CHRM3: variants seen among roughly 807,000 people sequenced by gnomAD.
The protein encoded by CHRM3 is muscarinic acetylcholine receptor M3.
In CHRM3, 11 loss-of-function variants were observed where a neutral mutation model predicts 41.8. The ratio of observed to expected loss-of-function variants is 0.26; its 90% CI spans 0.17 to 0.44. CHRM3 has a LOEUF of 0.44. CHRM3 is among the 20% of genes least tolerant of loss of function. CHRM3 has a pLI of 1.00. For missense variants in CHRM3, 571 were observed against 745.4 expected, an observed-to-expected ratio of 0.77 and a Z score of 2.72; for synonymous variants, 297 against 301.4, an observed-to-expected ratio of 0.99 and a Z score of 0.15.
At chr1:239,879,337 G>T (rs1415463112) in intron 6 of CHRM3, among the ~76,000 whole-genome samples, 1 of 152,144 alleles carries the variant, frequency 6.6e-6, no homozygotes, top group African/African-American at 2.4e-5. Flanking sequence ...TGCTGCTGCT[G>T]GCCCACCCTG....
chr1:239,897,027 C>T (rs1383243210), intron 6 of CHRM3, among the ~76,000 whole-genome samples: 1 of 152,194 alleles, frequency 6.6e-6, no homozygotes, highest in Non-Finnish European at 1.5e-5. Context: ...CTATTTCATC[C>T]TCAAGTATTA....
intron 5 of CHRM3, among the ~76,000 whole-genome samples, chr1:239,803,710 C>G (rs893578944): frequency 6.6e-6 from 1 of 152,112 alleles, no homozygotes; most frequent in African/African-American, 2.4e-5. Flanking sequence ...CTACTAAAAT[C>G]AAGTGTGGAA....
chr1:239,494,460 A>G (rs1667753605), intron 2 of CHRM3, among the ~76,000 whole-genome samples: 1 of 152,224 alleles, frequency 6.6e-6, no homozygotes, highest in Non-Finnish European at 1.5e-5. Context: ...AGATACGTAC[A>G]TAAAAAAACA....
At chr1:239,413,453 C>T (rs1661266893) in intron 1 of CHRM3, among the ~76,000 whole-genome samples, 1 of 152,084 alleles carries the variant, frequency 6.6e-6, no homozygotes, top group South Asian at 2.1e-4. Context: ...TTCCACCCGG[C>T]TAATTTTGTA....
chr1:239,520,058 C>G (rs893016213), intron 2 of CHRM3, among the ~76,000 whole-genome samples: 15 of 152,150 alleles, frequency 9.9e-5, no homozygotes, highest in African/African-American at 3.4e-4. Context: ...TCCTAAGGCT[C>G]GAAATGTATT....
intron 5 of CHRM3, among the ~76,000 whole-genome samples, chr1:239,700,714 G>A (rs1349616670): frequency 6.6e-6 from 1 of 152,140 alleles, no homozygotes. Flanking sequence ...TGTTTGGGAG[G>A]AAAATTAAGA....
At chr1:239,532,157 C>CA (rs1657658994) in intron 2 of CHRM3, among the ~76,000 whole-genome samples, 1 of 145,768 alleles carries the variant, frequency 6.9e-6, no homozygotes, top group Non-Finnish European at 1.5e-5. Context: ...GGACTACAGG[C>CA]GCTGCCACCA....
At chr1:239,510,825 C>T (rs911336432) in intron 2 of CHRM3, among the ~76,000 whole-genome samples, 7 of 152,090 alleles carry the variant, frequency 4.6e-5, no homozygotes, top group African/African-American at 1.2e-4. Context: ...CATCAACCAC[C>T]GCGGCCGGCC....
intron 1 of CHRM3, among the ~76,000 whole-genome samples, chr1:239,485,059 A>G (rs1667099375): frequency 6.6e-6 from 1 of 152,182 alleles, no homozygotes; most frequent in African/African-American, 2.4e-5. Flanking sequence ...TTTTTGCTGA[A>G]CATTTCTCTT....
At chr1:239,699,676 T>A (rs1037802853) in intron 5 of CHRM3, among the ~76,000 whole-genome samples, 2 of 152,206 alleles carry the variant, frequency 1.3e-5, no homozygotes, top group African/African-American at 4.8e-5. Context: ...TATGTCTTCA[T>A]ACATAAAGTA....
intron 1 of CHRM3, among the ~76,000 whole-genome samples, chr1:239,485,362 A>G (rs1667119118): frequency 6.6e-6 from 1 of 152,188 alleles, no homozygotes. Context: ...CAGTGGTGCA[A>G]TCATGACTCA....
At chr1:239,638,004 C>T (rs185021985) in intron 4 of CHRM3, among the ~76,000 whole-genome samples, 42 of 146,820 alleles carry the variant, frequency 2.9e-4, no homozygotes, top group African/African-American at 9.8e-4. Flanking sequence ...TGAGTGAGAA[C>T]GTGCAGTGTT....
In CHRM3 at chr1:239,589,068, G is replaced by A. The variant is rs1389251809; in HGVS notation, c.-312-43156G>A. Among the ~76,000 whole-genome samples, 72 of 152,062 alleles carry A rather than the reference G, an allele frequency of 4.7e-4. 1 individual carries two copies. Among genetic ancestry groups the A allele is most frequent in the Admixed American group, 4.7e-3 (72 of 15,268 alleles). ...CCTGCCTCAGCCTCCCAAGTAGCTG[G>A]GATTACAGGCACGTGCCGTCATGCC... is the stretch of plus-strand genomic sequence containing the variant. On this transcript the variant is annotated intron_variant, in intron 3 of 6. Coordinates refer to ENST00000676153, the MANE Select transcript of CHRM3 (RefSeq NM_001375978.1).
intron 5 of CHRM3, among the ~76,000 whole-genome samples, chr1:239,786,702 A>T (rs550842159): frequency 6.7e-6 from 1 of 148,226 alleles, no homozygotes; most frequent in Non-Finnish European, 1.5e-5. Context: ...TGCCGAGGGC[A>T]GGCGGGCCTT....
intron 5 of CHRM3, among the ~76,000 whole-genome samples, chr1:239,788,084 TA>T (rs1669053423): frequency 6.6e-6 from 1 of 151,950 alleles, no homozygotes; most frequent in Admixed American, 6.6e-5. Context: ...AATTTTTTTT[TA>T]ATTATTTGGG....
chr1:239,801,704 T>A (rs1205012451), intron 5 of CHRM3, among the ~76,000 whole-genome samples: 1 of 152,204 alleles, frequency 6.6e-6, no homozygotes, highest in Non-Finnish European at 1.5e-5. Context: ...AGGTGAATAG[T>A]TAATGTGTTT....
At chr1:239,404,290 A>G (rs1041682392) in intron 1 of CHRM3, among the ~76,000 whole-genome samples, 4 of 148,590 alleles carry the variant, frequency 2.7e-5, no homozygotes, top group African/African-American at 1.0e-4. Context: ...CTCTGTCTCA[A>G]AAAAAAAGAA....
At chr1:239,650,014 T>C (rs766587070) in intron 4 of CHRM3, among the ~76,000 whole-genome samples, 2 of 152,140 alleles carry the variant, frequency 1.3e-5, no homozygotes, top group Non-Finnish European at 2.9e-5. Flanking sequence ...GAGCTCAGGG[T>C]CTTTGATCTC....
intron 5 of CHRM3, among the ~76,000 whole-genome samples, chr1:239,732,123 A>G (rs1267838297): frequency 6.6e-6 from 1 of 151,984 alleles, no homozygotes; most frequent in East Asian, 1.9e-4. Context: ...CTATCCATAC[A>G]CTGATGAAGT....
Sources: gnomAD v4.1 joint callset for allele counts (sites outside exome capture counted in the v4.1 genomes callset) on GRCh38, gnomAD v4.1.1 for gene constraint, MANE v1.5 for transcripts, NCBI Gene and HGNC (gene_info 2026-07-23, HGNC 2026-07-21) for gene names.